CCNT1: variants seen among roughly 807,000 people sequenced by gnomAD.
CCNT1 encodes cyclin T1, also known as cyclin-T1.
In CCNT1, 18 loss-of-function variants were observed where a neutral mutation model predicts 67.3. That is an observed-to-expected ratio of 0.27 (90% CI 0.18 to 0.40). CCNT1 has a LOEUF of 0.40. Ranked by LOEUF, CCNT1 falls within the 10% of genes least tolerant of loss-of-function variation. The probability of loss-of-function intolerance (pLI) is 1.00; values close to 1 mark genes in which losing one functional copy is unlikely to be tolerated. For missense variants in CCNT1, 744 were observed against 884.9 expected, an observed-to-expected ratio of 0.84 and a Z score of 2.02; for synonymous variants, 333 against 310.3, an observed-to-expected ratio of 1.07 and a Z score of -0.77.
chr12:48,699,772 C>A lies in CCNT1; in HGVS notation c.496+6G>T. 1 of 1,597,710 alleles carries A rather than the reference C, an allele frequency of 6.3e-7. No individual in the cohort carries two copies. Among genetic ancestry groups the A allele is most frequent in the Non-Finnish European group, 8.6e-7 (1 of 1,166,718 alleles). ...GAGATAGTCTTCATAAGCTGGGATT[C>A]CTTACCTCGAACAAGTTGAGTGCAC... On this transcript the variant is annotated splice_donor_region_variant and intron_variant, in intron 5 of 8. Coordinates refer to ENST00000261900, the MANE Select transcript of CCNT1 (RefSeq NM_001240.4).
rs748225152 is a variant in CCNT1, at chr12:48,693,500, G to A, written c.1714C>T (p.Arg572Cys). 26 of 1,614,006 alleles carry A rather than the reference G, an allele frequency of 1.6e-5. No individual in the cohort carries two copies. The Admixed American group carries it at 1.7e-4, about 10-fold the overall frequency. ...GTCTCTTCAGAGGGTCCCCTTTTAC[G>A]AGTAGAACTGGAAGAGGAAAAAGAA... ...SSSFSSSSST[R>C]KRGPSEETGG... Residue 572 changes from arginine to cysteine, a missense_variant, in exon 9 of 9, where the codon CGT (arginine) becomes TGT (cysteine). By Grantham distance (180) the Arg-to-Cys change is radical. Coordinates refer to ENST00000261900, the MANE Select transcript of CCNT1 (RefSeq NM_001240.4).
intron 2 of CCNT1, among the ~76,000 whole-genome samples, chr12:48,713,142 T>C (rs1027255541): frequency 2.0e-5 from 3 of 151,790 alleles, no homozygotes; most frequent in Admixed American, 2.0e-4. Flanking sequence ...TACAAAAAAA[T>C]AAAATTTCTT....
chr12:48,716,115 GA>G (rs1323128242), intron 1 of CCNT1, among the ~76,000 whole-genome samples: 60 of 152,154 alleles, frequency 3.9e-4, no homozygotes, highest in African/African-American at 1.4e-3. Context: ...TGAATTTCTC[GA>G]AATTTACACA....
intron 3 of CCNT1, among the ~76,000 whole-genome samples, chr12:48,702,333 A>G (rs1010021576): frequency 2.0e-5 from 3 of 152,280 alleles, no homozygotes; most frequent in African/African-American, 4.8e-5. Flanking sequence ...AAAAAGTAAC[A>G]GAAGAGTTCA....
chr12:48,696,243 A>T lies in CCNT1; in HGVS notation c.543-81T>A. The stretch of plus-strand genomic sequence containing the variant: ...AAGCTAAAACTCTCCATTATTTAAA[A>T]AAAAAAAAAAAAAAAAAAAAAAAGG... On this transcript the variant is annotated intron_variant, in intron 6 of 8. Transcript: ENST00000261900. 9.6e-6 allele frequency: 4 copies of T among 416,288 alleles called. No individual in the cohort carries two copies. In the East Asian group the frequency reaches 2.0e-4, roughly 20 times the overall value. 25.8% of individuals were successfully genotyped at this position (416,288 alleles called of 1,614,324 possible).
chr12:48,695,239 A>G (rs1186907911), intron 8 of CCNT1, among the ~76,000 whole-genome samples: 1 of 152,236 alleles, frequency 6.6e-6, no homozygotes, highest in African/African-American at 2.4e-5. Flanking sequence ...AAAACAATGG[A>G]AACATTTTAA....
At position 48,689,551 on chromosome 12, in the gene CCNT1, G is replaced by A. The variant is rs1379439829; in HGVS notation, c.*3482C>T. On this transcript the variant is annotated 3_prime_UTR_variant, in exon 9 of 9. Transcript: ENST00000261900. Reference sequence around the variant, plus strand: ...GGAGGGCTATTTCTCACCATTTGATGAGTTGCATAGACTGCTTAAATTCTC... The same window carrying A: ...GGAGGGCTATTTCTCACCATTTGATAAGTTGCATAGACTGCTTAAATTCTC... 1 of 152,204 alleles carries A rather than the reference G, an allele frequency of 6.6e-6. No homozygotes were observed. The highest frequency in any genetic ancestry group is 2.4e-5 in the African/African-American group (1 of 41,450). The allele number at this position is 152,204 out of a possible 1,614,324, so 9.4% of individuals were successfully genotyped here.
intron 6 of CCNT1, 183 bp downstream of exon 6, chr12:48,697,955 A>T (rs1320501315): frequency 2.6e-5 from 11 of 417,982 alleles, no homozygotes; most frequent in Non-Finnish European, 4.8e-5. Context: ...TTATCAAAAA[A>T]ATCAGTACTA....
intron 2 of CCNT1, among the ~76,000 whole-genome samples, chr12:48,707,377 G>A (rs1565620090): frequency 6.6e-6 from 1 of 151,160 alleles, no homozygotes; most frequent in Non-Finnish European, 1.5e-5. Flanking sequence ...CAACCTCCTG[G>A]GCTCAGGAGA....
intron 2 of CCNT1, among the ~76,000 whole-genome samples, chr12:48,711,435 ATAT>A (rs1940449217): frequency 6.6e-6 from 1 of 152,046 alleles, no homozygotes; most frequent in African/African-American, 2.4e-5. Flanking sequence ...GGGAAAATAT[ATAT>A]TAACCTATAC....
intron 4 of CCNT1, 40 bp from the exon 5 acceptor site, chr12:48,699,880 G>C: frequency 7.8e-7 from 1 of 1,278,536 alleles, no homozygotes; most frequent in Non-Finnish European, 1.1e-6. Context: ...CTATTAAGAA[G>C]TTTACATTTT....
intron 2 of CCNT1, among the ~76,000 whole-genome samples, chr12:48,712,577 C>CT (rs199785243): frequency 2.3e-4 from 15 of 63,956 alleles, no homozygotes; most frequent in Non-Finnish European, 4.0e-4. Flanking sequence ...TAATCTTTTC[C>CT]TTAAAAAAAA....
In CCNT1 at chr12:48,705,281, TTTG is replaced by T. The variant is rs60219074; in HGVS notation, c.372+484_372+486del. On this transcript the variant is annotated intron_variant, in intron 3 of 8. Coordinates refer to ENST00000261900, the MANE Select transcript of CCNT1 (RefSeq NM_001240.4). ...TGTGAGCCAGCATGCCCAGTTGTTT[TTTG>T]TTGTTGTTGTTGTTGTTGTTTTTCT... 4.4e-4 allele frequency among the ~76,000 whole-genome samples: 67 copies of T among 150,952 alleles called. 1 individual carries two copies. The highest frequency in any genetic ancestry group is 2.7e-3 in the South Asian group (13 of 4,742).
At chr12:48,707,288 C>CT (rs779298084) in intron 2 of CCNT1, among the ~76,000 whole-genome samples, 360 of 133,222 alleles carry the variant, frequency 2.7e-3, no homozygotes, top group Middle Eastern at 7.8e-3. Context: ...TTTTTTCTTT[C>CT]TTTTTTTTTT....
chr12:48,699,751 TA>T (rs763369398), intron 5 of CCNT1, 26 bp downstream of exon 5: 27 of 1,506,792 alleles, frequency 1.8e-5, no homozygotes, highest in Non-Finnish European at 2.3e-5. Flanking sequence ...CAGCTTGAGA[TA>T]GTCTTCATAA....
intron 3 of CCNT1, among the ~76,000 whole-genome samples, chr12:48,702,403 G>A (rs1189733642): frequency 6.6e-6 from 1 of 152,228 alleles, no homozygotes; most frequent in African/African-American, 2.4e-5. Context: ...ATAGCCACTA[G>A]CCACATGTAG....
At position 48,716,670 on chromosome 12, in the gene CCNT1, C is replaced by T; in HGVS notation, c.6G>A (p.Glu2=). Residue 2 remains glutamate (E), a synonymous_variant, in exon 1 of 9, where the codon GAG becomes GAA. Transcript: ENST00000261900. M[E]GERKNNNKRW... Reference sequence around the variant, plus strand: ...GTTTGTTGTTGTTCTTCCTCTCTCCCTCCATAGTGCTTCAACCAGAAGGCA... The same window carrying T: ...GTTTGTTGTTGTTCTTCCTCTCTCCTTCCATAGTGCTTCAACCAGAAGGCA... 2 of 1,613,530 alleles carry T rather than the reference C, an allele frequency of 1.2e-6. No homozygotes were observed.
At position 48,714,425 on chromosome 12, in the gene CCNT1, T is replaced by C. The variant is rs938302575; in HGVS notation, c.243+18A>G. The stretch of plus-strand genomic sequence containing the variant: ...TCAATCACAAAAGGATTATATCATA[T>C]AAAAAAATTATACTTACATTTCCAG... On this transcript the variant is annotated intron_variant, in intron 2 of 8. Coordinates refer to ENST00000261900, the MANE Select transcript of CCNT1 (RefSeq NM_001240.4). The C allele has an allele frequency of 1.1e-5, 16 of 1,493,686 alleles. No homozygotes were observed. Among genetic ancestry groups the C allele is most frequent in the African/African-American group, 2.8e-5 (2 of 72,338 alleles). The allele number at this position is 1,493,686 out of a possible 1,614,324, so 92.5% of individuals were successfully genotyped here.
rs1161854658 is a variant in CCNT1, at chr12:48,688,798, T to C, written c.*4235A>G. On this transcript the variant is annotated 3_prime_UTR_variant, in exon 9 of 9. Coordinates refer to ENST00000261900, the MANE Select transcript of CCNT1 (RefSeq NM_001240.4). The stretch of plus-strand genomic sequence containing the variant: ...AAATTGTACCTGAGTGACAGATTGG[T>C]AAAGTGTTTTACTTTTTTTTTTCTT... The C allele has an allele frequency of 6.9e-6, 1 of 144,552 alleles. No homozygotes were observed. The highest frequency in any genetic ancestry group is 1.5e-5 in the Non-Finnish European group (1 of 66,452). 9.0% of individuals were successfully genotyped at this position (144,552 alleles called of 1,614,324 possible). A position where few individuals can be genotyped will look rare whatever the true frequency, so the allele number is the denominator to read the frequency against.
Sources: gnomAD v4.1 joint callset for allele counts (sites outside exome capture counted in the v4.1 genomes callset) on GRCh38, gnomAD v4.1.1 for gene constraint, MANE v1.5 for transcripts, NCBI Gene and HGNC (gene_info 2026-07-23, HGNC 2026-07-21) for gene names.